Variants in FBXW4 observed in about 807,000 individuals in gnomAD.
The protein encoded by FBXW4 is F-box/WD repeat-containing protein 4.
FBXW4 carries 40 observed loss-of-function variants against 61.8 expected under a neutral mutation model. The observed-to-expected ratio is 0.65, with a 90% confidence interval of 0.50 to 0.84. FBXW4 has a LOEUF of 0.84. Ranked by LOEUF, FBXW4 falls within the 40% of genes least tolerant of loss-of-function variation. The pLI is 0.00. For missense variants in FBXW4, 672 were observed against 753.8 expected, an observed-to-expected ratio of 0.89 and a Z score of 1.27; for synonymous variants, 311 against 313.8, an observed-to-expected ratio of 0.99 and a Z score of 0.10.
chr10:101,632,992 G>T (rs1367815098), intron 5 of FBXW4, among the ~76,000 whole-genome samples: 1 of 152,166 alleles, frequency 6.6e-6, no homozygotes, highest in Admixed American at 6.5e-5. Context: ...GAGGTAGCTG[G>T]CATGTTGCAT....
intron 5 of FBXW4, 107 bp downstream of exon 5, chr10:101,667,779 A>T: frequency 9.8e-7 from 1 of 1,016,428 alleles, no homozygotes; most frequent in Non-Finnish European, 1.5e-6. Flanking sequence ...ACAGTGACTC[A>T]AAGCAACCTA....
chr10:101,654,523 G>A (rs1229017108), intron 5 of FBXW4, among the ~76,000 whole-genome samples: 1 of 152,038 alleles, frequency 6.6e-6, no homozygotes, highest in Non-Finnish European at 1.5e-5. Flanking sequence ...ACATTTAAAT[G>A]TAATTTCTTT....
chr10:101,647,756 T>C (rs991440154), intron 5 of FBXW4, among the ~76,000 whole-genome samples: 3 of 152,224 alleles, frequency 2.0e-5, no homozygotes, highest in Non-Finnish European at 4.4e-5. Flanking sequence ...CAGTGGTATA[T>C]ATTCCTGATT....
intron 4 of FBXW4, among the ~76,000 whole-genome samples, chr10:101,671,649 G>A (rs1048712895): frequency 6.6e-6 from 1 of 152,114 alleles, no homozygotes; most frequent in Non-Finnish European, 1.5e-5. Flanking sequence ...AATAAGACAG[G>A]AGTACCTAGG....
chr10:101,665,409 G>A lies in FBXW4; in HGVS notation c.1235+2477C>T, dbSNP rs1029164107. On this transcript the variant is annotated intron_variant, in intron 5 of 8. Coordinates refer to ENST00000331272, the MANE Select transcript of FBXW4 (RefSeq NM_022039.4). ...GCTTGAGCCCAGGAGTTCAAGACCAGCCTGGGTAACACTGTGAGACCCCTC... is the reference window on the plus strand; with the variant it reads ...GCTTGAGCCCAGGAGTTCAAGACCAACCTGGGTAACACTGTGAGACCCCTC... Among the ~76,000 whole-genome samples, 4 of 152,274 alleles carry A rather than the reference G, an allele frequency of 2.6e-5. No individual in the cohort carries two copies. The East Asian group carries it at 7.7e-4, about 29-fold the overall frequency.
chr10:101,635,205 T>G (rs189957408), intron 5 of FBXW4, among the ~76,000 whole-genome samples: 1 of 149,488 alleles, frequency 6.7e-6, no homozygotes, highest in East Asian at 1.9e-4. Flanking sequence ...TTGTGGCTCC[T>G]TTTGAAAATC....
At chr10:101,692,439 T>C (rs75046922) in intron 1 of FBXW4, among the ~76,000 whole-genome samples, 1 of 151,880 alleles carries the variant, frequency 6.6e-6, no homozygotes, top group African/African-American at 2.4e-5. Flanking sequence ...AAAAGTGATA[T>C]TGATGAAAGT....
intron 5 of FBXW4, among the ~76,000 whole-genome samples, chr10:101,663,655 C>G (rs2064266724): frequency 1.3e-5 from 2 of 151,456 alleles, no homozygotes; most frequent in Admixed American, 6.6e-5. Context: ...AAAAAAGAGT[C>G]TGCCCTTCTG....
At position 101,611,203 on chromosome 10, in the gene FBXW4, G is replaced by A; in HGVS notation, c.*88C>T. ...AGGCCCAGGAGCACAGTGGGGCAGT[G>A]AGGAGGAGCTATCACTGCACCCTCC... On this transcript the variant is annotated 3_prime_UTR_variant, in exon 9 of 9. Transcript: ENST00000331272. This position sits in a 1 kb window ranked among gnomAD's most constrained non-coding sequence, Gnocchi z 4.9. 1 of 1,515,976 alleles carries A rather than the reference G, an allele frequency of 6.6e-7. No individual in the cohort carries two copies. Among genetic ancestry groups the A allele is most frequent in the Non-Finnish European group, 8.9e-7 (1 of 1,118,332 alleles). The allele number at this position is 1,515,976 out of a possible 1,614,324, so 93.9% of individuals were successfully genotyped here.
Position 101,624,887 on chromosome 10 carries a change from C to T in FBXW4, c.1236-77G>A, listed in dbSNP as rs904435656. On this transcript the variant is annotated intron_variant, in intron 5 of 8. Transcript: ENST00000331272. ...TGGAAATGGCTAACAATGGGAAATGCCGTGCTCATTCCCTAGGGGATTGTG... is the reference window on the plus strand; with the variant it reads ...TGGAAATGGCTAACAATGGGAAATGTCGTGCTCATTCCCTAGGGGATTGTG... The T allele has an allele frequency of 4.8e-6, 7 of 1,471,378 alleles. No homozygotes were observed. The African/African-American group carries it at 6.9e-5, about 15-fold the overall frequency. 91.1% of individuals were successfully genotyped at this position (1,471,378 alleles called of 1,614,324 possible). A position where few individuals can be genotyped will look rare whatever the true frequency, so the allele number is the denominator to read the frequency against.
intron 5 of FBXW4, among the ~76,000 whole-genome samples, chr10:101,628,929 C>T (rs751132324): frequency 2.6e-5 from 4 of 152,206 alleles, no homozygotes; most frequent in Non-Finnish European, 5.9e-5. Flanking sequence ...CTGCCTTACT[C>T]GTCCCCTGGC....
At chr10:101,644,609 A>G (rs1015972701) in intron 5 of FBXW4, among the ~76,000 whole-genome samples, 1 of 152,184 alleles carries the variant, frequency 6.6e-6, no homozygotes, top group South Asian at 2.1e-4. Context: ...CTCACATCAT[A>G]TTTTGGGCCT....
At chr10:101,678,743 T>A (rs2064443176) in intron 1 of FBXW4, among the ~76,000 whole-genome samples, 2 of 152,192 alleles carry the variant, frequency 1.3e-5, no homozygotes, top group Non-Finnish European at 2.9e-5. Context: ...CACTCATTTA[T>A]TCGAGCCTCT....
intron 5 of FBXW4, among the ~76,000 whole-genome samples, chr10:101,655,636 C>T (rs778453218): frequency 3.9e-5 from 6 of 152,220 alleles, no homozygotes; most frequent in African/African-American, 7.2e-5. Context: ...AGGAAAGACC[C>T]AGGTTTCTCT....
intron 5 of FBXW4, among the ~76,000 whole-genome samples, chr10:101,632,134 G>C (rs2063963853): frequency 6.6e-6 from 1 of 152,030 alleles, no homozygotes; most frequent in Non-Finnish European, 1.5e-5. Context: ...TGCCCCACTG[G>C]CCTCTTTCTC....
chr10:101,638,766 C>A (rs1457446797), intron 5 of FBXW4, among the ~76,000 whole-genome samples: 1 of 152,168 alleles, frequency 6.6e-6, no homozygotes, highest in Non-Finnish European at 1.5e-5. Flanking sequence ...GATATCTTGG[C>A]TCCATCCGGG....
chr10:101,626,754 C>G lies in FBXW4; in HGVS notation c.1236-1944G>C, dbSNP rs532787716. 5.2e-5 allele frequency: 8 copies of G among 152,614 alleles called. No individual in the cohort carries two copies. The South Asian group carries it at 6.2e-4, about 12-fold the overall frequency. 9.5% of individuals were successfully genotyped at this position (152,614 alleles called of 1,614,324 possible). On this transcript the variant is annotated intron_variant, in intron 5 of 8. Coordinates refer to ENST00000331272, the MANE Select transcript of FBXW4 (RefSeq NM_022039.4). Reference sequence around the variant, plus strand: ...CCGCCCACCTTGGCCTCCGAAAGTGCTGGAATTACAGGCGTGAGCCAACGC... The same window carrying G: ...CCGCCCACCTTGGCCTCCGAAAGTGGTGGAATTACAGGCGTGAGCCAACGC...
intron 6 of FBXW4, among the ~76,000 whole-genome samples, chr10:101,613,705 C>G (rs2063805236): frequency 6.6e-6 from 1 of 152,202 alleles, no homozygotes; most frequent in Non-Finnish European, 1.5e-5. Context: ...TGCCATCTTC[C>G]CGAAGGCCGA....
chr10:101,664,677 G>A (rs1564919633), intron 5 of FBXW4, among the ~76,000 whole-genome samples: 4 of 152,218 alleles, frequency 2.6e-5, no homozygotes, highest in Non-Finnish European at 5.9e-5. Flanking sequence ...AAAGGGTACA[G>A]ACTTGACAGC....
Sources: gnomAD v4.1 joint callset for allele counts (sites outside exome capture counted in the v4.1 genomes callset) on GRCh38, gnomAD v4.1.1 for gene constraint, Gnocchi (gnomAD v3.1) non-coding constraint, MANE v1.5 for transcripts, NCBI Gene and HGNC (gene_info 2026-07-23, HGNC 2026-07-21) for gene names.